ADAMTSL1: variants seen among roughly 807,000 people sequenced by gnomAD.
ADAMTSL1 encodes the protein ADAMTS like 1.
A neutral mutation model predicts 201.8 loss-of-function variants in ADAMTSL1; 126 were observed. That is an observed-to-expected ratio of 0.62 (90% CI 0.54 to 0.72). The LOEUF (loss-of-function observed/expected upper bound fraction) is 0.72. Among genes scored for constraint, ADAMTSL1 ranks in the 30% least tolerant of loss-of-function variants. The probability of loss-of-function intolerance (pLI) is 0.00; values close to 1 mark genes in which losing one functional copy is unlikely to be tolerated. For missense variants in ADAMTSL1, 2,679 were observed against 2,277.8 expected (o/e 1.18, Z -3.59); for synonymous variants, 1,121 against 903.4 (o/e 1.24, Z -4.32).
At chr9:18,864,063 C>G (rs904861791) in intron 23 of ADAMTSL1, among the ~76,000 whole-genome samples, 2 of 152,226 alleles carry the variant, frequency 1.3e-5, no homozygotes, top group African/African-American at 4.8e-5. Flanking sequence ...TACTTTTACA[C>G]AGCATGTCCT....
chr9:18,208,513 G>A (rs537393278), intron 2 of ADAMTSL1, among the ~76,000 whole-genome samples: 1 of 152,164 alleles, frequency 6.6e-6, no homozygotes, highest in Non-Finnish European at 1.5e-5. Flanking sequence ...ACTTTGCTAA[G>A]CTGAGATTAG....
chr9:18,393,492 A>C (rs1180573487), intron 2 of ADAMTSL1, among the ~76,000 whole-genome samples: 1 of 152,186 alleles, frequency 6.6e-6, no homozygotes, highest in Non-Finnish European at 1.5e-5. Flanking sequence ...TGGCTCCCTT[A>C]GAGAATGTCT....
intron 2 of ADAMTSL1, among the ~76,000 whole-genome samples, chr9:18,182,167 T>A (rs555274830): frequency 6.7e-6 from 1 of 149,574 alleles, no homozygotes. Flanking sequence ...AGGGATAGCA[T>A]TGGGAGATAT....
chr9:18,634,487 C>T (rs886270183), intron 5 of ADAMTSL1, among the ~76,000 whole-genome samples: 4 of 151,986 alleles, frequency 2.6e-5, no homozygotes, highest in African/African-American at 7.2e-5. Context: ...CTCTTGAGCC[C>T]GGGAAGCTAA....
At chr9:18,156,565 A>T (rs1827162861) in intron 1 of ADAMTSL1, among the ~76,000 whole-genome samples, 2 of 151,958 alleles carry the variant, frequency 1.3e-5, no homozygotes, top group African/African-American at 4.8e-5. Flanking sequence ...TTAACTGTTC[A>T]ACTCTCTGTT....
At chr9:18,754,215 T>C (rs1819619416) in intron 16 of ADAMTSL1, among the ~76,000 whole-genome samples, 3 of 152,210 alleles carry the variant, frequency 2.0e-5, no homozygotes, top group Admixed American at 2.0e-4. Flanking sequence ...CTAAAATATG[T>C]GCTATCCCTT....
At chr9:18,554,840 C>A (rs990721877) in intron 3 of ADAMTSL1, among the ~76,000 whole-genome samples, 2 of 151,602 alleles carry the variant, frequency 1.3e-5, no homozygotes, top group East Asian at 1.9e-4. Context: ...CAGAGTGGTA[C>A]ATTTGTTAGA....
intron 23 of ADAMTSL1, among the ~76,000 whole-genome samples, chr9:18,864,855 T>A (rs978083994): frequency 6.6e-6 from 1 of 152,236 alleles, no homozygotes; most frequent in Non-Finnish European, 1.5e-5. Context: ...TCTGTCATAG[T>A]TGGAGCAAAT....
At chr9:18,819,315 G>A (rs1002630719) in intron 21 of ADAMTSL1, among the ~76,000 whole-genome samples, 1 of 152,116 alleles carries the variant, frequency 6.6e-6, no homozygotes, top group African/African-American at 2.4e-5. Context: ...AATTAGCCAG[G>A]CATGGTGGCA....
chr9:18,791,977 T>C (rs896689242), intron 19 of ADAMTSL1, among the ~76,000 whole-genome samples: 6 of 152,008 alleles, frequency 3.9e-5, no homozygotes, highest in African/African-American at 1.5e-4. Flanking sequence ...GAGAAACCAG[T>C]GTAACTATAA....
At chr9:18,650,288 G>C (rs201871121) in intron 7 of ADAMTSL1, among the ~76,000 whole-genome samples, 3 of 152,148 alleles carry the variant, frequency 2.0e-5, no homozygotes, top group Non-Finnish European at 4.4e-5. Context: ...TCCAGGTGCC[G>C]TCTGTCACCC....
chr9:18,187,835 A>G (rs1828805714), intron 2 of ADAMTSL1, among the ~76,000 whole-genome samples: 1 of 152,186 alleles, frequency 6.6e-6, no homozygotes, highest in Non-Finnish European at 1.5e-5. Flanking sequence ...GACATATTTT[A>G]TCTTGTCACT....
intron 14 of ADAMTSL1, among the ~76,000 whole-genome samples, chr9:18,712,462 C>A (rs1587958242): frequency 6.6e-6 from 1 of 151,624 alleles, no homozygotes; most frequent in African/African-American, 2.4e-5. Context: ...GCAGAAGCCT[C>A]AGGAGCCGAT....
chr9:18,645,068 A>G (rs1259943045), intron 7 of ADAMTSL1, among the ~76,000 whole-genome samples: 1 of 152,046 alleles, frequency 6.6e-6, no homozygotes, highest in Admixed American at 6.5e-5. Flanking sequence ...TGACTTTTTA[A>G]TGATTGCCAT....
intron 1 of ADAMTSL1, among the ~76,000 whole-genome samples, chr9:17,986,255 C>T (rs1283846266): frequency 6.6e-6 from 1 of 151,936 alleles, no homozygotes; most frequent in East Asian, 1.9e-4. Context: ...TGAGAAAACC[C>T]ATGTTTCTTT....
intron 1 of ADAMTSL1, among the ~76,000 whole-genome samples, chr9:18,043,633 C>G (rs1362835600): frequency 6.6e-6 from 1 of 151,868 alleles, no homozygotes; most frequent in Non-Finnish European, 1.5e-5. Flanking sequence ...GAAGATATGG[C>G]CAGCAGCAAA....
intron 1 of ADAMTSL1, among the ~76,000 whole-genome samples, chr9:17,992,469 C>T (rs1819197635): frequency 6.6e-6 from 1 of 152,130 alleles, no homozygotes; most frequent in Non-Finnish European, 1.5e-5. Context: ...TGTTTCTTTT[C>T]AGATGAATGC....
At chr9:18,049,664 C>T (rs1821836706) in intron 1 of ADAMTSL1, among the ~76,000 whole-genome samples, 1 of 151,200 alleles carries the variant, frequency 6.6e-6, no homozygotes, top group African/African-American at 2.4e-5. Context: ...TGCTCAGTCA[C>T]CCAGGCTGCA....
chr9:18,615,135 G>A (rs935170358), intron 4 of ADAMTSL1, among the ~76,000 whole-genome samples: 1 of 152,136 alleles, frequency 6.6e-6, no homozygotes, highest in African/African-American at 2.4e-5. Flanking sequence ...AGTAAACATA[G>A]CTCATGGAGC....
Sources: gnomAD v4.1 joint callset for allele counts (sites outside exome capture counted in the v4.1 genomes callset) on GRCh38, gnomAD v4.1.1 for gene constraint, MANE v1.5 for transcripts, NCBI Gene and HGNC (gene_info 2026-07-23, HGNC 2026-07-21) for gene names.